SLC24A3: variants seen among roughly 807,000 people sequenced by gnomAD.
SLC24A3 encodes sodium/potassium/calcium exchanger 3.
SLC24A3 carries 28 observed loss-of-function variants against 75.8 expected under a neutral mutation model. The observed-to-expected ratio is 0.37, with a 90% CI of 0.27 to 0.51. The LOEUF (loss-of-function observed/expected upper bound fraction) is 0.51. Among genes scored for constraint, SLC24A3 ranks in the 20% least tolerant of loss-of-function variants. The probability of loss-of-function intolerance (pLI) is 0.94; values close to 1 mark genes in which losing one functional copy is unlikely to be tolerated. For synonymous variants in SLC24A3, 372 were observed against 334.1 expected, an observed-to-expected ratio of 1.11 and a Z score of -1.24; for missense variants, 663 against 847.8, an observed-to-expected ratio of 0.78 and a Z score of 2.71.
At chr20:19,712,606 T>A (rs1327436534) in intron 15 of SLC24A3, among the ~76,000 whole-genome samples, 1 of 152,056 alleles carries the variant, frequency 6.6e-6, no homozygotes, top group Non-Finnish European at 1.5e-5. Context: ...TGACATGAGG[T>A]CCTTAGCAGA....
chr20:19,604,524 A>T (rs1416336659), intron 6 of SLC24A3, among the ~76,000 whole-genome samples: 1 of 152,170 alleles, frequency 6.6e-6, no homozygotes. Flanking sequence ...TGAGCAGTTT[A>T]GTTGCAATTA....
intron 2 of SLC24A3, among the ~76,000 whole-genome samples, chr20:19,476,897 C>G (rs1001150989): frequency 6.6e-6 from 1 of 152,102 alleles, no homozygotes; most frequent in Non-Finnish European, 1.5e-5. Flanking sequence ...GCCCTCCTCT[C>G]TCTTCTGGGC....
At chr20:19,564,891 C>T (rs577913269) in intron 3 of SLC24A3, among the ~76,000 whole-genome samples, 30 of 152,344 alleles carry the variant, frequency 2.0e-4, no homozygotes, top group Middle Eastern at 3.4e-3. Flanking sequence ...TCACTGCAAC[C>T]TTTGCCTCCT....
At position 19,698,551 on chromosome 20, in the gene SLC24A3, A is replaced by T; in HGVS notation, c.1607-17A>T. On this transcript the variant is annotated splice_polypyrimidine_tract_variant and intron_variant, in intron 14 of 16. Transcript: ENST00000328041. ...TGGGTTCCCTTCCCTCTCTTAAGTG[A>T]CCTCTTGTCCCTGCAGGGATGGGGG... 3 of 1,558,592 alleles carry T rather than the reference A, an allele frequency of 1.9e-6. No homozygotes were observed. The highest frequency in any genetic ancestry group is 2.6e-6 in the Non-Finnish European group (3 of 1,148,476).
At chr20:19,388,459 C>T (rs1165976221) in intron 2 of SLC24A3, among the ~76,000 whole-genome samples, 1 of 152,160 alleles carries the variant, frequency 6.6e-6, no homozygotes, top group East Asian at 1.9e-4. Context: ...CGCCTGTAAT[C>T]CCAGCACTTT....
At chr20:19,215,644 TTC>T (rs1981533432) in intron 1 of SLC24A3, among the ~76,000 whole-genome samples, 1 of 152,162 alleles carries the variant, frequency 6.6e-6, no homozygotes, top group Non-Finnish European at 1.5e-5. Flanking sequence ...CTCCCTTCCT[TTC>T]TCTCTTCTTT....
chr20:19,228,534 A>G (rs956297787), intron 1 of SLC24A3, among the ~76,000 whole-genome samples: 2 of 151,854 alleles, frequency 1.3e-5, no homozygotes, highest in African/African-American at 2.4e-5. Flanking sequence ...AGTCTCAGCT[A>G]CTCGGGAGAC....
intron 11 of SLC24A3, 74 bp from the exon 12 acceptor site, chr20:19,685,026 A>C (rs1279575349): frequency 6.6e-7 from 1 of 1,507,704 alleles, no homozygotes; most frequent in Non-Finnish European, 8.9e-7. Context: ...GAAAGATCCC[A>C]ACAGCTCATG....
At chr20:19,469,107 G>A (rs1356435135) in intron 2 of SLC24A3, among the ~76,000 whole-genome samples, 1 of 152,102 alleles carries the variant, frequency 6.6e-6, no homozygotes, top group Non-Finnish European at 1.5e-5. Flanking sequence ...ATGAGGTCAC[G>A]GCTCTGGATG....
chr20:19,473,467 C>T lies in SLC24A3; in HGVS notation c.272-42021C>T, dbSNP rs150305716. On this transcript the variant is annotated intron_variant, in intron 2 of 16. Coordinates refer to ENST00000328041, the MANE Select transcript of SLC24A3 (RefSeq NM_020689.4). ...GCGGTGGTAATAACAACAGCAATGGCGGGTAACCCGCCTTGAGCACTTACT... is the reference window on the plus strand; with the variant it reads ...GCGGTGGTAATAACAACAGCAATGGTGGGTAACCCGCCTTGAGCACTTACT... Among the ~76,000 whole-genome samples, 51 of 152,324 alleles carry T rather than the reference C, an allele frequency of 3.3e-4. No individual in the cohort carries two copies. In the South Asian group the frequency reaches 4.1e-3, roughly 12 times the overall value.
chr20:19,331,340 T>C (rs1437621745), intron 2 of SLC24A3, among the ~76,000 whole-genome samples: 1 of 152,006 alleles, frequency 6.6e-6, no homozygotes, highest in East Asian at 1.9e-4. Flanking sequence ...GGAAAAATGG[T>C]ATAGATAGAT....
At chr20:19,431,721 CAA>C (rs5840841) in intron 2 of SLC24A3, among the ~76,000 whole-genome samples, 6 of 148,060 alleles carry the variant, frequency 4.1e-5, no homozygotes, top group South Asian at 2.2e-4. Context: ...AGATTCACTT[CAA>C]AAAAAAAAAG....
At chr20:19,691,267 G>T (rs1157956824) in intron 12 of SLC24A3, among the ~76,000 whole-genome samples, 1 of 152,232 alleles carries the variant, frequency 6.6e-6, no homozygotes, top group Non-Finnish European at 1.5e-5. Flanking sequence ...CATTCGAGCA[G>T]TGAAGTGGCC....
At chr20:19,647,064 AG>A (rs931113575) in intron 6 of SLC24A3, among the ~76,000 whole-genome samples, 57 of 152,092 alleles carry the variant, frequency 3.7e-4, no homozygotes, top group Non-Finnish European at 7.6e-4. Flanking sequence ...CCCTTGGGGT[AG>A]GAGGTGCCAG....
chr20:19,678,208 C>T (rs1004480127), intron 9 of SLC24A3, among the ~76,000 whole-genome samples: 4 of 151,124 alleles, frequency 2.6e-5, no homozygotes, highest in Non-Finnish European at 3.0e-5. Flanking sequence ...GGCCCGTTCT[C>T]AATGAGCTGT....
chr20:19,396,790 T>C (rs755312106), intron 2 of SLC24A3, among the ~76,000 whole-genome samples: 1 of 152,212 alleles, frequency 6.6e-6, no homozygotes, highest in Non-Finnish European at 1.5e-5. Context: ...CTAAAAAATA[T>C]GCAGTCATGT....
At chr20:19,547,960 T>A (rs2030628404) in intron 3 of SLC24A3, among the ~76,000 whole-genome samples, 1 of 152,236 alleles carries the variant, frequency 6.6e-6, no homozygotes. Flanking sequence ...GTCCAGGATT[T>A]TTTCCCCCAG....
intron 15 of SLC24A3, among the ~76,000 whole-genome samples, chr20:19,699,456 T>A (rs1291674442): frequency 3.3e-5 from 5 of 152,246 alleles, no homozygotes. Context: ...TAGGATAGAA[T>A]GTCAACAGAT....
chr20:19,260,861 C>T (rs1272673373), intron 1 of SLC24A3, among the ~76,000 whole-genome samples: 1 of 152,232 alleles, frequency 6.6e-6, no homozygotes, highest in Non-Finnish European at 1.5e-5. Flanking sequence ...CGACACGCTC[C>T]TCTTACTCAG....
Sources: allele counts gnomAD v4.1 joint callset (sites outside exome capture counted in the v4.1 genomes callset), GRCh38; gene constraint gnomAD v4.1.1; transcripts MANE v1.5; gene names NCBI Gene and HGNC (gene_info 2026-07-23, HGNC 2026-07-21).